CSNK2A2: variants seen among roughly 807,000 people sequenced by gnomAD.
CSNK2A2 encodes casein kinase II subunit alpha'.
A neutral mutation model predicts 54.0 loss-of-function variants in CSNK2A2; 8 were observed. The observed-to-expected ratio is 0.15, with a 90% CI of 0.09 to 0.27. The LOEUF is 0.27. CSNK2A2 is among the 10% of genes least tolerant of loss of function. The probability of loss-of-function intolerance (pLI) is 1.00; values close to 1 mark genes in which losing one functional copy is unlikely to be tolerated. For missense variants in CSNK2A2, 242 were observed against 439.4 expected, an observed-to-expected ratio of 0.55 and a Z score of 4.02; for synonymous variants, 141 against 153.9, an observed-to-expected ratio of 0.92 and a Z score of 0.62.
At chr16:58,175,017 A>G (rs1256168774) in intron 4 of CSNK2A2, among the ~76,000 whole-genome samples, 2 of 152,234 alleles carry the variant, frequency 1.3e-5, no homozygotes, top group Non-Finnish European at 2.9e-5. Context: ...GAGGTGCTAT[A>G]GCATTTGCAG....
chr16:58,177,518 T>C (rs978404217), intron 4 of CSNK2A2, among the ~76,000 whole-genome samples: 6 of 152,184 alleles, frequency 3.9e-5, no homozygotes, highest in African/African-American at 1.2e-4. Flanking sequence ...ACTGCTACCG[T>C]AGGCATACAC....
intron 2 of CSNK2A2, among the ~76,000 whole-genome samples, chr16:58,188,820 GTA>G (rs1962257540): frequency 6.6e-6 from 1 of 152,184 alleles, no homozygotes; most frequent in South Asian, 2.1e-4. Flanking sequence ...AAATGTGTGT[GTA>G]TATGAGAGAG....
chr16:58,168,814 G>C, intron 5 of CSNK2A2, 121 bp from the exon 6 acceptor site: 1 of 720,046 alleles, frequency 1.4e-6, no homozygotes, highest in Non-Finnish European at 2.3e-6. Flanking sequence ...GCAGCTTGCT[G>C]CCTGTAATGA....
intron 11 of CSNK2A2, chr16:58,163,531 C>T (rs1961459804): frequency 1.3e-5 from 2 of 151,870 alleles, no homozygotes; most frequent in African/African-American, 2.4e-5. Flanking sequence ...GAGCTCATGT[C>T]ATTAAAAAAT....
intron 11 of CSNK2A2, chr16:58,159,871 A>G (rs767351385): frequency 4.6e-5 from 7 of 152,216 alleles, no homozygotes; most frequent in Non-Finnish European, 8.8e-5. Context: ...AGAGCCAGCA[A>G]GTGAAAAACT....
chr16:58,196,357 C>T (rs1962445225), intron 2 of CSNK2A2, among the ~76,000 whole-genome samples: 1 of 152,142 alleles, frequency 6.6e-6, no homozygotes, highest in South Asian at 2.1e-4. Context: ...CGCCTCTAAT[C>T]CCAGCAACTA....
intron 5 of CSNK2A2, among the ~76,000 whole-genome samples, chr16:58,171,979 A>ATATATATAT (rs1261137669): frequency 7.6e-5 from 5 of 66,186 alleles, no homozygotes; most frequent in Non-Finnish European, 1.2e-4. Context: ...ATATATATAT[A>ATATATATAT]TTTTTTTTTT....
intron 5 of CSNK2A2, 129 bp from the exon 6 acceptor site, chr16:58,168,822 T>TGG: frequency 1.5e-6 from 1 of 678,656 alleles, no homozygotes; most frequent in Non-Finnish European, 2.5e-6. Flanking sequence ...CTGCCTGTAA[T>TGG]GAAAGAGAAA....
intron 5 of CSNK2A2, among the ~76,000 whole-genome samples, chr16:58,169,027 C>T (rs541191122): frequency 1.6e-3 from 240 of 151,908 alleles, no homozygotes; most frequent in African/African-American, 5.6e-3. Context: ...CCCGGGTTCA[C>T]GCCCTTCTCC....
chr16:58,158,479 G>A, intron 11 of CSNK2A2, 126 bp from the exon 12 acceptor site: 1 of 152,330 alleles, frequency 6.6e-6, no homozygotes, highest in East Asian at 1.9e-4. Flanking sequence ...ACTTGGTGGA[G>A]AACCCTGTGA....
In CSNK2A2 at chr16:58,197,656, G is replaced by A; in HGVS notation, c.81C>T (p.Tyr27=). 2 of 1,575,592 alleles carry A rather than the reference G, an allele frequency of 1.3e-6. No individual in the cohort carries two copies. Among genetic ancestry groups the A allele is most frequent in the Non-Finnish European group, 1.7e-6 (2 of 1,163,952 alleles). The change falls in exon 1 of 12, where the codon TAC becomes TAT. Residue 27 remains tyrosine (Y), a synonymous_variant. Coordinates refer to ENST00000262506, the MANE Select transcript of CSNK2A2 (RefSeq NM_001896.4). The surrounding 1 kb of genome is among the most constrained non-coding windows in gnomAD (Gnocchi z 4.0). ...ACCCCCAGCTCGGGACGTGAGCCTC[G>A]TAGTCCCAGTACTCGCGGCTCCTCA... The part of the protein sequence containing the change: ...NSLRSREYWD[Y]EAHVPSWGNQ...
chr16:58,167,170 C>G, intron 8 of CSNK2A2, 37 bp downstream of exon 8: 1 of 1,505,300 alleles, frequency 6.6e-7, no homozygotes, highest in Non-Finnish European at 9.1e-7. Flanking sequence ...TTGGCATTCA[C>G]CCCCAAATAA....
intron 10 of CSNK2A2, among the ~76,000 whole-genome samples, chr16:58,165,038 GAAT>G (rs1890882273): frequency 2.0e-5 from 3 of 152,192 alleles, no homozygotes; most frequent in African/African-American, 7.2e-5. Context: ...ACATGCAGAA[GAAT>G]AAGCAAACAC....
chr16:58,193,863 T>C (rs1962372328), intron 2 of CSNK2A2, among the ~76,000 whole-genome samples: 2 of 152,216 alleles, frequency 1.3e-5, no homozygotes, highest in African/African-American at 4.8e-5. Context: ...AACCTCTCTA[T>C]TGATTGGAAA....
intron 4 of CSNK2A2, 42 bp downstream of exon 4, chr16:58,184,218 C>T: frequency 3.3e-6 from 5 of 1,509,546 alleles, no homozygotes; most frequent in Admixed American, 1.8e-5. Flanking sequence ...CCAGCTCCCC[C>T]TCACCCCGTT....
chr16:58,189,937 T>C (rs1962286033), intron 2 of CSNK2A2, among the ~76,000 whole-genome samples: 1 of 152,120 alleles, frequency 6.6e-6, no homozygotes, highest in African/African-American at 2.4e-5. Context: ...TTAATGTGAA[T>C]CAGAGATAAA....
chr16:58,182,534 G>A (rs373068916), intron 4 of CSNK2A2, among the ~76,000 whole-genome samples: 5 of 138,028 alleles, frequency 3.6e-5, no homozygotes, highest in Non-Finnish European at 7.6e-5. Context: ...CAGCCTAGGC[G>A]ACAGAGCGAG....
chr16:58,194,682 G>C (rs895730480), intron 2 of CSNK2A2, among the ~76,000 whole-genome samples: 2 of 152,206 alleles, frequency 1.3e-5, no homozygotes, highest in Non-Finnish European at 2.9e-5. Context: ...ATAGGAAACA[G>C]GAGTTCTGGC....
intron 5 of CSNK2A2, 69 bp downstream of exon 5, chr16:58,174,382 G>T: frequency 9.0e-7 from 1 of 1,114,790 alleles, no homozygotes; most frequent in Non-Finnish European, 1.3e-6. Context: ...AGTTCTCTTT[G>T]TTCTCTCAAA....
Sources: allele counts gnomAD v4.1 joint callset (sites outside exome capture counted in the v4.1 genomes callset), GRCh38; gene constraint gnomAD v4.1.1; non-coding constraint Gnocchi (gnomAD v3.1); transcripts MANE v1.5; gene names NCBI Gene and HGNC (gene_info 2026-07-23, HGNC 2026-07-21).